Variants in TMTC4 observed in about 807,000 individuals in gnomAD.
TMTC4 encodes protein O-mannosyl-transferase TMTC4.
In TMTC4, 65 loss-of-function variants were observed where a neutral mutation model predicts 86.0. That is an observed-to-expected ratio of 0.76 (90% CI 0.62 to 0.93). The LOEUF is 0.93. Ranked by LOEUF, TMTC4 falls within the 40% of genes least tolerant of loss-of-function variation. The pLI is 0.00. For missense variants in TMTC4, 866 were observed against 948.1 expected (o/e 0.91, Z 1.14); for synonymous variants, 379 against 382.5 (o/e 0.99, Z 0.11).
intron 6 of TMTC4, among the ~76,000 whole-genome samples, chr13:100,648,132 CT>C: frequency 6.6e-6 from 1 of 152,220 alleles, no homozygotes; most frequent in African/African-American, 2.4e-5. Flanking sequence ...TTAAGTATTA[CT>C]TCTCAAAACT....
In TMTC4 at chr13:100,670,455, C is replaced by G. The variant is rs1886944840; in HGVS notation, c.-93G>C. Reference sequence around the variant, plus strand: ...AGGCCGCAACTCTTCCACTGCTTGTCTCTCGAGCCTCACAGCCTGGCATAC... The same window carrying G: ...AGGCCGCAACTCTTCCACTGCTTGTGTCTCGAGCCTCACAGCCTGGCATAC... On this transcript the variant is annotated 5_prime_UTR_variant, in exon 2 of 19. Transcript: ENST00000342624. 2 of 1,389,318 alleles carry G rather than the reference C, an allele frequency of 1.4e-6. No individual in the cohort carries two copies. The allele number at this position is 1,389,318 out of a possible 1,614,324, so 86.1% of individuals were successfully genotyped here. A position where few individuals can be genotyped will look rare whatever the true frequency, so the allele number is the denominator to read the frequency against.
intron 3 of TMTC4, among the ~76,000 whole-genome samples, chr13:100,665,520 G>A (rs1332118662): frequency 6.6e-6 from 1 of 152,206 alleles, no homozygotes; most frequent in South Asian, 2.1e-4. Context: ...ATCATGCGCC[G>A]GGCACCTGGC....
chr13:100,663,250 G>C lies in TMTC4; in HGVS notation c.336-70C>G, dbSNP rs951224995. 5.2e-6 allele frequency: 7 copies of C among 1,357,200 alleles called. No individual in the cohort carries two copies. In the African/African-American group the frequency reaches 8.6e-5, roughly 17 times the overall value. The allele number at this position is 1,357,200 out of a possible 1,614,324, so 84.1% of individuals were successfully genotyped here. On this transcript the variant is annotated intron_variant, in intron 4 of 18. Transcript: ENST00000342624. ...GGCAAGAAATGGCAAAGGTCTGGAG[G>C]AGAAGGCTTGTGTGTGGAAATATTA... is the stretch of plus-strand genomic sequence containing the variant.
intron 17 of TMTC4, among the ~76,000 whole-genome samples, chr13:100,611,401 C>T (rs527874330): frequency 3.9e-5 from 6 of 151,954 alleles, no homozygotes; most frequent in Admixed American, 6.6e-5. Flanking sequence ...CTGGCTAACA[C>T]GGTGAAACCC....
At chr13:100,618,373 T>C (rs953543330) in intron 15 of TMTC4, among the ~76,000 whole-genome samples, 3 of 152,126 alleles carry the variant, frequency 2.0e-5, no homozygotes, top group Admixed American at 1.3e-4. Context: ...CAGTACCATG[T>C]TGAATAAGAG....
intron 5 of TMTC4, 143 bp downstream of exon 5, chr13:100,662,821 A>C: frequency 1.3e-6 from 1 of 786,152 alleles, no homozygotes; most frequent in Non-Finnish European, 2.1e-6. Flanking sequence ...TTCTATTTCT[A>C]GAGTATGTTG....
At chr13:100,644,515 C>T (rs771503680) in intron 6 of TMTC4, among the ~76,000 whole-genome samples, 25 of 152,230 alleles carry the variant, frequency 1.6e-4, no homozygotes, top group Admixed American at 2.6e-4. Flanking sequence ...GCAGGACTAA[C>T]TCCTGATGTG....
At position 100,668,695 on chromosome 13, in the gene TMTC4, C is replaced by A. The variant is rs1446964092; in HGVS notation, c.103G>T (p.Val35Phe). ...TDLDHILPSS[V>F]LPPFWAKLVV... Reference sequence around the variant, plus strand: ...AACTTAGCCCAGAATGGAGGAAGAACAGAAGATGGAAGAATGTGATCCAAA... The same window carrying A: ...AACTTAGCCCAGAATGGAGGAAGAAAAGAAGATGGAAGAATGTGATCCAAA... The change falls in exon 3 of 19, where the codon GTT becomes TTT. Residue 35 changes from valine to phenylalanine, a missense_variant. Transcript: ENST00000342624. 6.2e-6 allele frequency: 10 copies of A among 1,614,128 alleles called. No individual in the cohort carries two copies. The highest frequency in any genetic ancestry group is 8.5e-6 in the Non-Finnish European group (10 of 1,180,058).
chr13:100,629,303 C>A (rs1257389242), intron 12 of TMTC4, among the ~76,000 whole-genome samples: 1 of 152,174 alleles, frequency 6.6e-6, no homozygotes, highest in African/African-American at 2.4e-5. Context: ...GTGGGTGCTG[C>A]TAACAACAGT....
At chr13:100,626,520 G>A (rs940450949) in intron 12 of TMTC4, among the ~76,000 whole-genome samples, 1 of 152,140 alleles carries the variant, frequency 6.6e-6, no homozygotes, top group Admixed American at 6.5e-5. Context: ...CTATTCACAG[G>A]TGCCATCATA....
chr13:100,633,309 A>G (rs1279480826), intron 12 of TMTC4, among the ~76,000 whole-genome samples: 1 of 67,018 alleles, frequency 1.5e-5, no homozygotes, highest in Non-Finnish European at 3.0e-5. Context: ...ACTCCATCTC[A>G]GGGAAAAAAA....
chr13:100,666,041 G>A, intron 3 of TMTC4: 1 of 456,644 alleles, frequency 2.2e-6, no homozygotes, highest in Non-Finnish European at 4.4e-6. Flanking sequence ...TCCTCCCTTT[G>A]AACAGGAAAT....
chr13:100,625,540 G>T lies in TMTC4; in HGVS notation c.1831C>A (p.Arg611Ser), dbSNP rs1430665035. ...KYPDCYYNLG[R>S]LYADLNRHVD... ...ACAGGGCACCCCGCGCTTACCAGACGCCCGAGGTTGTAGTAACAGTCTGGG... is the reference window on the plus strand; with the variant it reads ...ACAGGGCACCCCGCGCTTACCAGACTCCCGAGGTTGTAGTAACAGTCTGGG... The change falls in exon 15 of 19, where the codon CGT (arginine) becomes AGT (serine). Residue 611 changes from arginine to serine, a missense_variant. Transcript: ENST00000342624. 4.3e-6 allele frequency: 7 copies of T among 1,613,658 alleles called. No individual in the cohort carries two copies. In the South Asian group the frequency reaches 6.6e-5, roughly 15 times the overall value.
Position 100,670,446 on chromosome 13 carries a change from A to G in TMTC4, c.-84T>C, listed in dbSNP as rs1335368993. On this transcript the variant is annotated 5_prime_UTR_variant, in exon 2 of 19. Transcript: ENST00000342624. ...AGATGAAACAGGCCGCAACTCTTCCACTGCTTGTCTCTCGAGCCTCACAGC... is the reference window on the plus strand; with the variant it reads ...AGATGAAACAGGCCGCAACTCTTCCGCTGCTTGTCTCTCGAGCCTCACAGC... The G allele has an allele frequency of 6.1e-6, 9 of 1,472,028 alleles. No homozygotes were observed. The highest frequency in any genetic ancestry group is 8.3e-6 in the Non-Finnish European group (9 of 1,080,120). 91.2% of individuals were successfully genotyped at this position (1,472,028 alleles called of 1,614,324 possible). A position where few individuals can be genotyped will look rare whatever the true frequency, so the allele number is the denominator to read the frequency against.
chr13:100,667,478 T>A (rs538693252), intron 3 of TMTC4, among the ~76,000 whole-genome samples: 16 of 152,222 alleles, frequency 1.1e-4, no homozygotes, highest in South Asian at 2.1e-4. Context: ...AATGATCTAG[T>A]GTGTGCCCTC....
rs755578785 is a variant in TMTC4, at chr13:100,614,308, T to C, written c.1951+8A>G. ...TTCCTGTGATTTGTTCCATCCAGCT[T>C]TCTGTACCTGTATTGTCGAGGAGTA... On this transcript the variant is annotated splice_region_variant and intron_variant, in intron 16 of 18. Transcript: ENST00000342624. 1.2e-6 allele frequency: 2 copies of C among 1,607,760 alleles called. No individual in the cohort carries two copies.
rs1322127319 is a variant in TMTC4 at position 100,674,253 on chromosome 13, G to T, written c.-208+491C>A. 1.2e-5 allele frequency: 12 copies of T among 979,836 alleles called. No homozygotes were observed. The East Asian group carries it at 3.5e-4, about 28-fold the overall frequency. The allele number at this position is 979,836 out of a possible 1,614,324, so 60.7% of individuals were successfully genotyped here. A position where few individuals can be genotyped will look rare whatever the true frequency, so the allele number is the denominator to read the frequency against. On this transcript the variant is annotated intron_variant, in intron 1 of 18. Transcript: ENST00000342624. ...GTAGCAGGCGCTCGCGGCGCGGCGG[G>T]GGAGCCGCCGCGGAACCCAGGGCAG...
Position 100,674,177 on chromosome 13 carries a change from C to G in TMTC4, c.-208+567G>C, listed in dbSNP as rs1272124802. ...CGGCGGCTCGGTGGCCCCGGGCGCC[C>G]GGGCCGGTGGCCCCGCGCTCGCGCC... On this transcript the variant is annotated intron_variant, in intron 1 of 18. Coordinates refer to ENST00000342624, the MANE Select transcript of TMTC4 (RefSeq NM_032813.5). The G allele has an allele frequency of 1.9e-5, 18 of 972,062 alleles. No individual in the cohort carries two copies. In the African/African-American group the frequency reaches 3.2e-4, roughly 17 times the overall value. 60.2% of individuals were successfully genotyped at this position (972,062 alleles called of 1,614,324 possible). A position where few individuals can be genotyped will look rare whatever the true frequency, so the allele number is the denominator to read the frequency against.
chr13:100,626,917 G>C (rs1384090474), intron 12 of TMTC4, among the ~76,000 whole-genome samples: 2 of 152,156 alleles, frequency 1.3e-5, no homozygotes, highest in Non-Finnish European at 2.9e-5. Context: ...GAAGTGATTG[G>C]GTCATGAGGG....
Sources: allele counts gnomAD v4.1 joint callset (sites outside exome capture counted in the v4.1 genomes callset), GRCh38; gene constraint gnomAD v4.1.1; transcripts MANE v1.5; gene names NCBI Gene and HGNC (gene_info 2026-07-23, HGNC 2026-07-21).